Variants in COG6 observed in about 807,000 individuals in gnomAD.
COG6 encodes the protein component of oligomeric golgi complex 6.
Under a neutral mutation model 88.8 loss-of-function variants are expected in COG6, and 74 were observed. That is an observed-to-expected ratio of 0.83 (90% CI 0.69 to 1.01). COG6 has a LOEUF of 1.01. Among genes scored for constraint, COG6 ranks in the 50% least tolerant of loss-of-function variants. COG6 has a pLI of 0.00. For missense variants in COG6, 800 were observed against 797.9 expected (o/e 1.00, Z -0.03); for synonymous variants, 286 against 278.7 (o/e 1.03, Z -0.26).
At chr13:39,727,716 A>G (rs1188709703) in intron 18 of COG6, among the ~76,000 whole-genome samples, 168 bp downstream of exon 18, 1 of 152,162 alleles carries the variant, frequency 6.6e-6, no homozygotes, top group African/African-American at 2.4e-5. Flanking sequence ...AGATCTGAAC[A>G]TGTCTGTACT....
chr13:39,768,960 G>GT (rs1881243085), intron 18 of COG6, among the ~76,000 whole-genome samples: 2 of 151,836 alleles, frequency 1.3e-5, no homozygotes, highest in Admixed American at 1.3e-4. Flanking sequence ...TTATTTTTTA[G>GT]TTTTGCATAT....
Position 39,719,754 on chromosome 13 carries a change from C to T in COG6, c.1511C>T (p.Ser504Leu). Residue 504 changes from serine to leucine, a missense_variant, in exon 15 of 19, where the codon TCA becomes TTA. Ser to Leu is a moderately radical substitution (Grantham distance 145). Coordinates refer to ENST00000455146, the MANE Select transcript of COG6 (RefSeq NM_020751.3). ...GACATGGCCACTTTCATGGTCAATT[C>T]ACTATATATGATGAAGACAACATTA... ...TADMATFMVNSLYMMKTTLAL... is the reference protein window; with the variant it reads ...TADMATFMVNLLYMMKTTLAL... The T allele has an allele frequency of 6.2e-7, 1 of 1,612,328 alleles. No homozygotes were observed. The highest frequency in any genetic ancestry group is 1.1e-5 in the South Asian group (1 of 91,034).
chr13:39,689,678 T>G, intron 10 of COG6, 82 bp from the exon 11 acceptor site: 1 of 827,356 alleles, frequency 1.2e-6, no homozygotes, highest in East Asian at 2.7e-5. Flanking sequence ...ATGTATTATA[T>G]ATTATTTGTT....
intron 18 of COG6, among the ~76,000 whole-genome samples, chr13:39,732,246 T>C (rs1336492725): frequency 6.6e-6 from 1 of 152,216 alleles, no homozygotes; most frequent in African/African-American, 2.4e-5. Context: ...TCATACTAAT[T>C]AAGCTTAAAA....
chr13:39,782,143 A>T (rs1566048158), intron 18 of COG6, among the ~76,000 whole-genome samples: 1 of 152,238 alleles, frequency 6.6e-6, no homozygotes, highest in Non-Finnish European at 1.5e-5. Context: ...AGAAAAGCCT[A>T]GGAATCATCA....
chr13:39,733,446 C>G (rs1040005783), intron 18 of COG6, among the ~76,000 whole-genome samples: 1 of 152,036 alleles, frequency 6.6e-6, no homozygotes, highest in Non-Finnish European at 1.5e-5. Flanking sequence ...ACCTCGTCCT[C>G]CCAAAGTGCT....
chr13:39,738,123 A>G (rs901142239), intron 18 of COG6, among the ~76,000 whole-genome samples: 2 of 152,230 alleles, frequency 1.3e-5, no homozygotes, highest in Non-Finnish European at 2.9e-5. Context: ...ACCAAGTACT[A>G]TGATTGCTCA....
chr13:39,726,191 T>G (rs9603603), intron 17 of COG6, among the ~76,000 whole-genome samples: 43,822 of 151,774 alleles, frequency 0.29, 6,910 homozygotes, highest in Non-Finnish European at 0.36. Flanking sequence ...AAACTAACTC[T>G]GCACATTCCA....
chr13:39,677,987 C>A (rs542125406), intron 5 of COG6: 64 of 398,610 alleles, frequency 1.6e-4, no homozygotes, highest in African/African-American at 1.3e-3. Flanking sequence ...TCTGTCTCCT[C>A]CCCCAACACA....
intron 18 of COG6, among the ~76,000 whole-genome samples, chr13:39,737,362 C>T (rs73459943): frequency 0.014 from 2,064 of 152,016 alleles, 36 homozygotes; most frequent in African/African-American, 0.046. Flanking sequence ...CTCTGCAGTC[C>T]GCAAGTGATG....
chr13:39,748,212 A>G (rs1480687887), intron 18 of COG6, among the ~76,000 whole-genome samples: 2 of 152,242 alleles, frequency 1.3e-5, no homozygotes, highest in African/African-American at 4.8e-5. Context: ...CAAAGTTTTA[A>G]AATACTAGTT....
At chr13:39,657,092 C>G (rs563768157) in intron 1 of COG6, among the ~76,000 whole-genome samples, 1 of 152,068 alleles carries the variant, frequency 6.6e-6, no homozygotes, top group Non-Finnish European at 1.5e-5. Flanking sequence ...GTGCAATGGG[C>G]GCAGTCTCGG....
At chr13:39,776,099 A>G (rs1462751861) in intron 18 of COG6, among the ~76,000 whole-genome samples, 2 of 152,318 alleles carry the variant, frequency 1.3e-5, no homozygotes, top group South Asian at 2.1e-4. Flanking sequence ...ACTTCTGATC[A>G]GCAAAAAGCT....
intron 10 of COG6, among the ~76,000 whole-genome samples, chr13:39,688,987 T>C (rs1026391515): frequency 1.3e-5 from 2 of 152,218 alleles, no homozygotes; most frequent in African/African-American, 4.8e-5. Context: ...ATACTAACTT[T>C]ATAGCTTCTA....
intron 18 of COG6, among the ~76,000 whole-genome samples, chr13:39,766,868 AAC>A (rs1198161433): frequency 3.9e-5 from 6 of 152,220 alleles, no homozygotes; most frequent in Non-Finnish European, 8.8e-5. Flanking sequence ...CTGAAGAATC[AAC>A]AGAGTATTTA....
intron 13 of COG6, among the ~76,000 whole-genome samples, chr13:39,715,274 TAC>T (rs35957437): frequency 2.3e-4 from 34 of 149,902 alleles, no homozygotes; most frequent in African/African-American, 6.4e-4. Context: ...TCTCTCTCTA[TAC>T]ACACACACAC....
At chr13:39,670,440 A>C (rs1275505847) in intron 4 of COG6, among the ~76,000 whole-genome samples, 1 of 152,114 alleles carries the variant, frequency 6.6e-6, no homozygotes, top group African/African-American at 2.4e-5. Context: ...ATAGGACTTA[A>C]GACAAAAATC....
intron 12 of COG6, among the ~76,000 whole-genome samples, 182 bp from the exon 13 acceptor site, chr13:39,699,319 C>G (rs1170788612): frequency 6.6e-6 from 1 of 151,600 alleles, no homozygotes; most frequent in East Asian, 1.9e-4. Context: ...CATCACCTAA[C>G]TCAAAAGAAA....
intron 12 of COG6, among the ~76,000 whole-genome samples, chr13:39,696,887 G>A (rs916664592): frequency 6.7e-6 from 1 of 150,208 alleles, no homozygotes; most frequent in African/African-American, 2.4e-5. Context: ...AGACTAGGGT[G>A]ATGGTCTTAG....
Sources: gnomAD v4.1 joint callset for allele counts (sites outside exome capture counted in the v4.1 genomes callset) on GRCh38, gnomAD v4.1.1 for gene constraint, MANE v1.5 for transcripts, NCBI Gene and HGNC (gene_info 2026-07-23, HGNC 2026-07-21) for gene names.